The following BNC2 variants were observed in gnomAD, a reference collection of about 807,000 sequenced individuals.
BNC2 encodes the protein zinc finger protein basonuclin-2.
BNC2 carries 20 observed loss-of-function variants against 76.3 expected under a neutral mutation model. That is an observed-to-expected ratio of 0.26 (90% confidence interval 0.18 to 0.38). BNC2 has a LOEUF of 0.38. BNC2 is among the 10% of genes least tolerant of loss of function. The probability of loss-of-function intolerance (pLI) is 1.00; values close to 1 mark genes in which losing one functional copy is unlikely to be tolerated. For missense variants in BNC2, 1,382 were observed against 1,399.8 expected, an observed-to-expected ratio of 0.99 and a Z score of 0.20; for synonymous variants, 582 against 514.8, an observed-to-expected ratio of 1.13 and a Z score of -1.77.
At chr9:16,758,199 A>C (rs1370731583) in intron 1 of BNC2, among the ~76,000 whole-genome samples, 2 of 152,054 alleles carry the variant, frequency 1.3e-5, no homozygotes, top group African/African-American at 4.8e-5. Context: ...CTATTCTTCC[A>C]TGGTCATCTC....
chr9:16,456,830 A>C (rs964131695), intron 5 of BNC2, among the ~76,000 whole-genome samples: 22 of 152,214 alleles, frequency 1.4e-4, no homozygotes, highest in Admixed American at 1.4e-3. Context: ...ATATTGTAAA[A>C]AACATCAAAA....
chr9:16,488,829 T>C (rs2131604966), intron 5 of BNC2, among the ~76,000 whole-genome samples: 1 of 151,782 alleles, frequency 6.6e-6, no homozygotes, highest in Non-Finnish European at 1.5e-5. Flanking sequence ...AAAGGCTTCT[T>C]TTAGCAAAAA....
chr9:16,419,689 GGT>G, intron 6 of BNC2, 40 bp from the exon 7 acceptor site: 2 of 398,970 alleles, frequency 5.0e-6, no homozygotes, highest in Admixed American at 3.1e-5. Flanking sequence ...GTGGATGGGG[GGT>G]GGGGAAAGGT....
chr9:16,455,064 C>T (rs952482207), intron 5 of BNC2, among the ~76,000 whole-genome samples: 7 of 152,102 alleles, frequency 4.6e-5, no homozygotes, highest in South Asian at 2.1e-4. Context: ...GTATGAGAAA[C>T]GGAGCCCCAG....
chr9:16,713,510 C>T (rs1823909547), intron 3 of BNC2, among the ~76,000 whole-genome samples: 1 of 137,250 alleles, frequency 7.3e-6, no homozygotes, highest in Non-Finnish European at 1.5e-5. Context: ...CATGCTTAAA[C>T]TTGATATTCT....
chr9:16,450,012 T>G (rs1019440169), intron 5 of BNC2, among the ~76,000 whole-genome samples: 3 of 152,236 alleles, frequency 2.0e-5, no homozygotes, highest in Admixed American at 6.5e-5. Flanking sequence ...ATCATTTTTT[T>G]TCAGTGACTT....
At chr9:16,495,729 A>T (rs1587095525) in intron 5 of BNC2, among the ~76,000 whole-genome samples, 1 of 152,122 alleles carries the variant, frequency 6.6e-6, no homozygotes, top group Non-Finnish European at 1.5e-5. Context: ...GGGGCTTAGA[A>T]ATCTGCACTT....
chr9:16,526,186 G>C (rs1159474931), intron 5 of BNC2, among the ~76,000 whole-genome samples: 1 of 151,966 alleles, frequency 6.6e-6, no homozygotes, highest in East Asian at 1.9e-4. Flanking sequence ...TATATATAAA[G>C]GAACACATAC....
rs546197133 is a variant in BNC2, at chr9:16,420,701, T to A, written c.2640-1052A>T. On this transcript the variant is annotated intron_variant, in intron 6 of 6. Transcript: ENST00000380672. ...TATATACATACACATATACATATTT[T>A]TTTACATATATATATATAAAGACAG... 3.5e-3 allele frequency among the ~76,000 whole-genome samples: 483 copies of A among 138,118 alleles called. 4 individuals are homozygous for A. The highest frequency in any genetic ancestry group is 0.012 in the African/African-American group (446 of 38,500). The allele number at this position is 138,118 out of a possible 152,430, so 90.6% of individuals were successfully genotyped here.
intron 6 of BNC2, among the ~76,000 whole-genome samples, chr9:16,420,981 A>G (rs1430421361): frequency 1.3e-5 from 2 of 152,238 alleles, no homozygotes; most frequent in Non-Finnish European, 1.5e-5. Flanking sequence ...TACAGCTTGG[A>G]GAAGTAATTG....
At chr9:16,651,905 AAT>A (rs1183977133) in intron 3 of BNC2, among the ~76,000 whole-genome samples, 2 of 152,232 alleles carry the variant, frequency 1.3e-5, no homozygotes, top group African/African-American at 4.8e-5. Context: ...TAAAATAAAA[AAT>A]AGAGTGTTAA....
chr9:16,459,276 C>T (rs1821522489), intron 5 of BNC2, among the ~76,000 whole-genome samples: 1 of 152,122 alleles, frequency 6.6e-6, no homozygotes, highest in African/African-American at 2.4e-5. Context: ...GTTTCATGCT[C>T]ACATGTAGCT....
At chr9:16,813,420 T>G (rs1306657740) in intron 1 of BNC2, among the ~76,000 whole-genome samples, 3 of 151,606 alleles carry the variant, frequency 2.0e-5, no homozygotes, top group Non-Finnish European at 4.4e-5. Flanking sequence ...CGCCCGCCAC[T>G]ACGCCCGGCT....
At chr9:16,488,009 C>T (rs1822201123) in intron 5 of BNC2, among the ~76,000 whole-genome samples, 1 of 152,112 alleles carries the variant, frequency 6.6e-6, no homozygotes, top group South Asian at 2.1e-4. Flanking sequence ...CAGCAAAAAC[C>T]CCAATACGAC....
At chr9:16,773,425 C>A (rs1370540083) in intron 1 of BNC2, among the ~76,000 whole-genome samples, 1 of 151,052 alleles carries the variant, frequency 6.6e-6, no homozygotes, top group Non-Finnish European at 1.5e-5. Context: ...TCAGGCAAAT[C>A]TTTTCAGCGT....
chr9:16,603,708 C>T (rs1820303427), intron 3 of BNC2, among the ~76,000 whole-genome samples: 1 of 152,166 alleles, frequency 6.6e-6, no homozygotes, highest in Non-Finnish European at 1.5e-5. Context: ...AAACTTTTAA[C>T]TTAAGATTTT....
chr9:16,567,290 A>C (rs749975369), intron 4 of BNC2, among the ~76,000 whole-genome samples: 40 of 152,174 alleles, frequency 2.6e-4, no homozygotes, highest in Non-Finnish European at 1.0e-4. Flanking sequence ...ATGAGCATAA[A>C]ACATAATGCA....
In BNC2 at chr9:16,678,267, C is replaced by CTTTTTTTT. The variant is rs140809930; in HGVS notation, c.330+49522_330+49529dup. ...ACTTGTAACTGTTTTCTTTCTTTTT[C>CTTTTTTTT]TTTTTTTTTTTTTTTTTTTTTTTTT... On this transcript the variant is annotated intron_variant, in intron 3 of 6. Coordinates refer to ENST00000380672, the MANE Select transcript of BNC2 (RefSeq NM_017637.6). Among the ~76,000 whole-genome samples the CTTTTTTTT allele has an allele frequency of 4.3e-3, 348 of 80,746 alleles. 12 individuals carry two copies. The highest frequency in any genetic ancestry group is 0.011 in the African/African-American group (201 of 17,702). 53.0% of individuals were successfully genotyped at this position (80,746 alleles called of 152,430 possible).
chr9:16,814,197 GT>G (rs1818125763), intron 1 of BNC2, among the ~76,000 whole-genome samples: 2 of 152,160 alleles, frequency 1.3e-5, no homozygotes, highest in Non-Finnish European at 2.9e-5. Flanking sequence ...AATGATAAAT[GT>G]TTTTGCCTTG....
Sources: gnomAD v4.1 joint callset for allele counts (sites outside exome capture counted in the v4.1 genomes callset) on GRCh38, gnomAD v4.1.1 for gene constraint, MANE v1.5 for transcripts, NCBI Gene and HGNC (gene_info 2026-07-23, HGNC 2026-07-21) for gene names.